CEP89: variants seen among roughly 807,000 people sequenced by gnomAD.
CEP89 encodes centrosomal protein 89.
In CEP89, 95 loss-of-function variants were observed where a neutral mutation model predicts 97.6. The observed-to-expected ratio is 0.97, with a 90% CI of 0.82 to 1.15. The LOEUF (loss-of-function observed/expected upper bound fraction) is 1.15, where lower values mean the gene tolerates loss of function less well. Ranked by LOEUF, CEP89 falls within the 50% of genes most tolerant of loss-of-function variation. The pLI, the probability that CEP89 is intolerant of heterozygous loss-of-function variation, is 0.00. For synonymous variants in CEP89, 354 were observed against 349.1 expected (o/e 1.01, Z -0.16); for missense variants, 869 against 947.7 (o/e 0.92, Z 1.09).
chr19:32,945,427 T>G (rs545733449), intron 5 of CEP89, among the ~76,000 whole-genome samples: 1 of 152,104 alleles, frequency 6.6e-6, no homozygotes, highest in East Asian at 1.9e-4. Flanking sequence ...GGAGCTGCAA[T>G]CCCTCCCAAC....
intron 15 of CEP89, among the ~76,000 whole-genome samples, chr19:32,900,526 AGTGCTGGGATTACAG>A (rs778757493): frequency 4.6e-5 from 7 of 152,050 alleles, no homozygotes; most frequent in Non-Finnish European, 7.4e-5. Context: ...AGCCTTACAA[AGTGCTGGGATTACAG>A]GTGTGAGCCA....
At chr19:32,944,934 T>C (rs1970764279) in intron 5 of CEP89, among the ~76,000 whole-genome samples, 1 of 151,880 alleles carries the variant, frequency 6.6e-6, no homozygotes, top group African/African-American at 2.4e-5. Context: ...ACACTCTAGA[T>C]TGAGGAGAAA....
At chr19:32,963,612 A>C (rs967543610) in intron 2 of CEP89, 1 of 152,126 alleles carries the variant, frequency 6.6e-6, no homozygotes, top group Non-Finnish European at 1.5e-5. Context: ...GCTTTAAGAC[A>C]CTGCCCCTGG....
intron 16 of CEP89, among the ~76,000 whole-genome samples, chr19:32,899,641 T>C (rs114324515): frequency 3.1e-3 from 468 of 152,334 alleles, no homozygotes; most frequent in African/African-American, 0.011. Flanking sequence ...GTATCAATGG[T>C]AACTTCATTA....
rs1052059654 is a variant in CEP89, at chr19:32,926,726, T to G, written c.1080+208A>C. 1.7e-4 allele frequency among the ~76,000 whole-genome samples: 26 copies of G among 152,316 alleles called. 1 individual carries two copies. The highest frequency in any genetic ancestry group is 6.8e-3 in the Middle Eastern group (2 of 294). ...ATAGGCATGCACCATCACGCCCAGC[T>G]AATTTTTGTATTTTTAGTAGAGACA... On this transcript the variant is annotated intron_variant, in intron 10 of 18. Coordinates refer to ENST00000305768, the MANE Select transcript of CEP89 (RefSeq NM_032816.5).
Position 32,971,864 on chromosome 19 carries a change from C to A in CEP89, c.11G>T (p.Gly4Val). The A allele has an allele frequency of 6.3e-7, 1 of 1,592,330 alleles. No homozygotes were observed. Among genetic ancestry groups the A allele is most frequent in the East Asian group, 2.3e-5 (1 of 43,382 alleles). Residue 4 changes from glycine (G) to valine (V), a missense_variant, in exon 1 of 19, where the codon GGA (glycine) becomes GTA (valine). Gly to Val is a moderately radical substitution (Grantham distance 109). Coordinates refer to ENST00000305768, the MANE Select transcript of CEP89 (RefSeq NM_032816.5). Reference sequence around the variant, plus strand: ...ATGACTCCTGCGGCCTCTCCGAAATCCCAGGAGCATCCTTGCAGCGCGAGG... The same window carrying A: ...ATGACTCCTGCGGCCTCTCCGAAATACCAGGAGCATCCTTGCAGCGCGAGG... MLL[G>V]FRRGRRSHFK...
intron 5 of CEP89, among the ~76,000 whole-genome samples, chr19:32,940,127 A>G (rs2145940002): frequency 6.6e-6 from 1 of 152,218 alleles, no homozygotes; most frequent in Admixed American, 6.5e-5. Flanking sequence ...GTGGCTGCAG[A>G]ACCAAAGCCA....
At chr19:32,933,780 T>C in intron 7 of CEP89, 111 bp from the exon 8 acceptor site, 1 of 736,604 alleles carries the variant, frequency 1.4e-6, no homozygotes, top group Non-Finnish European at 2.3e-6. Context: ...CCATGTTCTT[T>C]GGTCCCTGGG....
At chr19:32,917,680 G>C (rs1421722881) in intron 13 of CEP89, 1 of 379,412 alleles carries the variant, frequency 2.6e-6, no homozygotes, top group Non-Finnish European at 3.6e-6. Flanking sequence ...CCTTACAGTT[G>C]TGCACTGTCA....
At chr19:32,950,147 G>A (rs186520643) in intron 4 of CEP89, among the ~76,000 whole-genome samples, 15 of 151,650 alleles carry the variant, frequency 9.9e-5, no homozygotes, top group Admixed American at 3.3e-4. Context: ...GAGCCACCAC[G>A]CAAGGCCGAC....
intron 3 of CEP89, among the ~76,000 whole-genome samples, chr19:32,955,673 C>T (rs1272821948): frequency 1.3e-5 from 2 of 151,802 alleles, no homozygotes; most frequent in African/African-American, 4.8e-5. Flanking sequence ...GCCACCATGC[C>T]TGGCTAATTT....
chr19:32,924,845 G>A (rs1970322464), intron 11 of CEP89, among the ~76,000 whole-genome samples: 1 of 152,160 alleles, frequency 6.6e-6, no homozygotes, highest in South Asian at 2.1e-4. Flanking sequence ...CAGCAGGGCT[G>A]AGCAGGTGCA....
Position 32,881,899 on chromosome 19 carries a change from G to A in CEP89, c.2080C>T (p.His694Tyr), listed in dbSNP as rs1328993378. ...AQYRQEMRHL[H>Y]QVLKDKQEVL... The stretch of plus-strand genomic sequence containing the variant: ...TCCTGCTTGTCCTTCAGCACCTGGT[G>A]CAGGTGCCGCATCTCCTGCCGGTAC... The change falls in exon 18 of 19, where the codon CAC (histidine) becomes TAC (tyrosine). Residue 694 changes from histidine (H) to tyrosine (Y), a missense_variant. By Grantham distance (83) the His-to-Tyr change is moderately conservative. Transcript: ENST00000305768. 1 of 1,606,146 alleles carries A rather than the reference G, an allele frequency of 6.2e-7. No individual in the cohort carries two copies. Among genetic ancestry groups the A allele is most frequent in the Non-Finnish European group, 8.5e-7 (1 of 1,178,608 alleles).
At chr19:32,923,138 C>G (rs958467356) in intron 12 of CEP89, among the ~76,000 whole-genome samples, 2 of 152,002 alleles carry the variant, frequency 1.3e-5, no homozygotes, top group Non-Finnish European at 2.9e-5. Flanking sequence ...TAAGAAGGGA[C>G]GAGACTCTCC....
intron 1 of CEP89, chr19:32,969,657 G>C (rs1196859903): frequency 2.6e-5 from 4 of 152,354 alleles, no homozygotes; most frequent in East Asian, 1.9e-4. Context: ...CTGTGCCTGG[G>C]GGGGCAGCCA....
intron 12 of CEP89, among the ~76,000 whole-genome samples, chr19:32,920,296 C>G (rs1013893590): frequency 1.3e-5 from 2 of 151,742 alleles, no homozygotes; most frequent in Non-Finnish European, 2.9e-5. Context: ...CTCACTGCAG[C>G]CCCGAACTCT....
At chr19:32,893,065 A>C (rs1443768224) in intron 16 of CEP89, among the ~76,000 whole-genome samples, 2 of 152,028 alleles carry the variant, frequency 1.3e-5, no homozygotes, top group African/African-American at 4.8e-5. Flanking sequence ...AAATTAATTA[A>C]ATTTTCCACT....
intron 9 of CEP89, among the ~76,000 whole-genome samples, 178 bp from the exon 10 acceptor site, chr19:32,927,162 A>ATCCG (rs1443414622): frequency 2.7e-5 from 4 of 150,262 alleles, no homozygotes; most frequent in Non-Finnish European, 4.4e-5. Flanking sequence ...CCATCCATCC[A>ATCCG]TCTATCCATC....
intron 14 of CEP89, among the ~76,000 whole-genome samples, chr19:32,910,298 A>G (rs1002163175): frequency 8.9e-5 from 13 of 146,028 alleles, no homozygotes; most frequent in South Asian, 2.3e-4. Flanking sequence ...AGCGAGAGAG[A>G]GAGGGAGGGA....
Sources: allele counts gnomAD v4.1 joint callset (sites outside exome capture counted in the v4.1 genomes callset), GRCh38; gene constraint gnomAD v4.1.1; transcripts MANE v1.5; gene names NCBI Gene and HGNC (gene_info 2026-07-23, HGNC 2026-07-21).